Variants in AGBL4 observed in about 807,000 individuals in gnomAD.
AGBL4 encodes the protein cytosolic carboxypeptidase 6.
A neutral mutation model predicts 66.4 loss-of-function variants in AGBL4; 58 were observed. The observed-to-expected ratio is 0.87, with a 90% confidence interval of 0.71 to 1.09. AGBL4 has a LOEUF of 1.09. AGBL4 is among the 50% of genes least tolerant of loss of function. The pLI, the probability that AGBL4 is intolerant of heterozygous loss-of-function variation, is 0.00. For synonymous variants in AGBL4, 234 were observed against 222.9 expected (o/e 1.05, Z -0.44); for missense variants, 579 against 631.0 (o/e 0.92, Z 0.88).
intron 3 of AGBL4, among the ~76,000 whole-genome samples, chr1:49,481,636 C>G (rs539923580): frequency 3.9e-5 from 6 of 151,956 alleles, no homozygotes; most frequent in African/African-American, 1.2e-4. Flanking sequence ...TTTCTAATTG[C>G]TCTGGCCAGA....
chr1:49,335,761 C>T (rs961936178), intron 3 of AGBL4, among the ~76,000 whole-genome samples: 2 of 152,136 alleles, frequency 1.3e-5, no homozygotes, highest in Non-Finnish European at 2.9e-5. Context: ...GTGATCCGCC[C>T]ACCTTGGCCC....
intron 5 of AGBL4, among the ~76,000 whole-genome samples, chr1:48,882,061 G>C (rs1013169600): frequency 3.3e-5 from 5 of 152,334 alleles, no homozygotes; most frequent in African/African-American, 1.2e-4. Context: ...TTTTGCCTCT[G>C]AAGTCTGGAA....
Position 48,590,883 on chromosome 1 carries a change from G to T in AGBL4, c.1054C>A (p.Gln352Lys). Reference sequence around the variant, plus strand: ...CAGAGGAGCTTGGGAAAAATGGCCTGCCTCTGGAACCGTTCCTCATCCTCA... The same window carrying T: ...CAGAGGAGCTTGGGAAAAATGGCCTTCCTCTGGAACCGTTCCTCATCCTCA... ...IFEDEERFQR[Q>K]AIFPKLLCQN... Residue 352 changes from glutamine to lysine, a missense_variant, in exon 10 of 14, where the codon CAG (glutamine) becomes AAG (lysine). Coordinates refer to ENST00000371839, the MANE Select transcript of AGBL4 (RefSeq NM_032785.4). 1 of 1,607,270 alleles carries T rather than the reference G, an allele frequency of 6.2e-7. No homozygotes were observed. The highest frequency in any genetic ancestry group is 1.1e-5 in the South Asian group (1 of 88,976).
At position 49,193,927 on chromosome 1, in the gene AGBL4, C is replaced by T. The variant is rs117205909; in HGVS notation, c.377+51843G>A. ...AATTTACTGATACTTGTTTTGTGACCTAATATATGGTCTATGGAGAGTAAG... is the reference window on the plus strand; with the variant it reads ...AATTTACTGATACTTGTTTTGTGACTTAATATATGGTCTATGGAGAGTAAG... On this transcript the variant is annotated intron_variant, in intron 4 of 13. Coordinates refer to ENST00000371839, the MANE Select transcript of AGBL4 (RefSeq NM_032785.4). 5.6e-4 allele frequency among the ~76,000 whole-genome samples: 85 copies of T among 152,264 alleles called. 1 individual carries two copies. The East Asian group carries it at 0.013, about 23-fold the overall frequency.
At chr1:49,203,035 C>A in intron 4 of AGBL4, among the ~76,000 whole-genome samples, 1 of 139,974 alleles carries the variant, frequency 7.1e-6, no homozygotes, top group Non-Finnish European at 1.5e-5. Context: ...CAGAAAAATG[C>A]AAATCAAAAT....
At position 49,217,307 on chromosome 1, in the gene AGBL4, A is replaced by C. The variant is rs531359710; in HGVS notation, c.377+28463T>G. Among the ~76,000 whole-genome samples the C allele has an allele frequency of 5.1e-4, 78 of 151,720 alleles. 1 individual carries two copies. Among genetic ancestry groups the C allele is most frequent in the African/African-American group, 1.7e-3 (70 of 41,356 alleles). ...ACTTTCCCTTCCTCCACCCCCATTTACGTTTTTCTTTCTTATTTTTCCCAA... is the reference window on the plus strand; with the variant it reads ...ACTTTCCCTTCCTCCACCCCCATTTCCGTTTTTCTTTCTTATTTTTCCCAA... On this transcript the variant is annotated intron_variant, in intron 4 of 13. Transcript: ENST00000371839.
Position 49,352,366 on chromosome 1 carries a change from C to CTTTTTTTT in AGBL4, c.283-106510_283-106503dup, listed in dbSNP as rs35699154. On this transcript the variant is annotated intron_variant, in intron 3 of 13. Coordinates refer to ENST00000371839, the MANE Select transcript of AGBL4 (RefSeq NM_032785.4). ...AATTATTTGCCCACATGAATTGAAG[C>CTTTTTTTT]TTTTTTTTTTTTTTTTTTTTTTTGT... Among the ~76,000 whole-genome samples, 8 of 83,108 alleles carry CTTTTTTTT rather than the reference C, an allele frequency of 9.6e-5. 1 individual carries two copies. The highest frequency in any genetic ancestry group is 1.1e-4 in the Non-Finnish European group (5 of 44,894). The allele number at this position is 83,108 out of a possible 152,430, so 54.5% of individuals were successfully genotyped here.
Position 49,045,741 on chromosome 1 carries a change from T to C in AGBL4, c.437A>G (p.Tyr146Cys), listed in dbSNP as rs1001007090. Residue 146 changes from tyrosine (Y) to cysteine (C), a missense_variant, in exon 5 of 14, where the codon TAT (tyrosine) becomes TGT (cysteine). Transcript: ENST00000371839. ...AAAACAAAAGGCAAAGGACATCACA[T>C]AGTTCTTCCTATGGTCCGGGCAGCG... The part of the protein sequence containing the change: ...YYRCPDHRKN[Y>C]VMSFAFCFDR... 1.6e-5 allele frequency: 25 copies of C among 1,551,818 alleles called. No individual in the cohort carries two copies. The South Asian group carries it at 1.7e-4, about 10-fold the overall frequency.
chr1:48,541,218 A>G (rs1461356942), intron 11 of AGBL4, among the ~76,000 whole-genome samples: 30 of 152,120 alleles, frequency 2.0e-4, no homozygotes, highest in Admixed American at 2.0e-3. Flanking sequence ...AGCTCAATTC[A>G]GTTGTCACTC....
At chr1:48,657,103 G>C (rs1646032988) in intron 7 of AGBL4, among the ~76,000 whole-genome samples, 1 of 152,188 alleles carries the variant, frequency 6.6e-6, no homozygotes, top group Non-Finnish European at 1.5e-5. Context: ...CGCAGACCCT[G>C]AAACTGGACA....
At chr1:48,693,828 G>A (rs924668271) in intron 6 of AGBL4, among the ~76,000 whole-genome samples, 6 of 152,090 alleles carry the variant, frequency 3.9e-5, no homozygotes, top group African/African-American at 1.4e-4. Flanking sequence ...TGCCCTGATG[G>A]AAAGTGGGAG....
chr1:49,200,212 T>G (rs780903037), intron 4 of AGBL4, among the ~76,000 whole-genome samples: 1 of 152,154 alleles, frequency 6.6e-6, no homozygotes, highest in Non-Finnish European at 1.5e-5. Context: ...CTCCTTTCCA[T>G]GTTTTCCCAC....
intron 4 of AGBL4, among the ~76,000 whole-genome samples, chr1:49,069,837 C>T (rs182118582): frequency 6.6e-6 from 1 of 152,020 alleles, no homozygotes; most frequent in East Asian, 1.9e-4. Context: ...TAGCCATTTT[C>T]ACGATATTGA....
At chr1:48,981,861 A>C (rs1397705972) in intron 5 of AGBL4, among the ~76,000 whole-genome samples, 1 of 152,230 alleles carries the variant, frequency 6.6e-6, no homozygotes, top group East Asian at 1.9e-4. Context: ...GTGCCATTGC[A>C]CACCAGCCTG....
intron 3 of AGBL4, among the ~76,000 whole-genome samples, chr1:49,447,113 A>G (rs1646175014): frequency 6.6e-6 from 1 of 152,136 alleles, no homozygotes; most frequent in Non-Finnish European, 1.5e-5. Flanking sequence ...CTTGTTCTCC[A>G]TGCATGAGCC....
intron 2 of AGBL4, among the ~76,000 whole-genome samples, chr1:49,814,442 G>T (rs2147977619): frequency 6.6e-6 from 1 of 152,164 alleles, no homozygotes; most frequent in East Asian, 1.9e-4. Flanking sequence ...TGAGAGAAAG[G>T]ATCCTGTCTT....
chr1:49,737,837 A>G (rs1483150674), intron 2 of AGBL4, among the ~76,000 whole-genome samples: 2 of 152,352 alleles, frequency 1.3e-5, no homozygotes. Context: ...TTATAAAAAA[A>G]GATAGTCTTA....
At chr1:48,812,338 A>G (rs1366057177) in intron 6 of AGBL4, among the ~76,000 whole-genome samples, 1 of 152,198 alleles carries the variant, frequency 6.6e-6, no homozygotes, top group Non-Finnish European at 1.5e-5. Flanking sequence ...GCTATGGGTC[A>G]TGAACAGAAG....
At chr1:48,877,722 G>A (rs1444917229) in intron 5 of AGBL4, among the ~76,000 whole-genome samples, 1 of 152,038 alleles carries the variant, frequency 6.6e-6, no homozygotes, top group Admixed American at 6.6e-5. Flanking sequence ...GGTAGGACTT[G>A]CCCCAGTTCA....
Sources: gnomAD v4.1 joint callset for allele counts (sites outside exome capture counted in the v4.1 genomes callset) on GRCh38, gnomAD v4.1.1 for gene constraint, MANE v1.5 for transcripts, NCBI Gene and HGNC (gene_info 2026-07-23, HGNC 2026-07-21) for gene names.